The following LHFPL2 variants were observed in gnomAD, a reference collection of about 807,000 sequenced individuals.
LHFPL2 encodes the protein LHFPL tetraspan subfamily member 2.
Under a neutral mutation model 17.5 loss-of-function variants are expected in LHFPL2, and 7 were observed. The ratio of observed to expected loss-of-function variants is 0.40; its 90% CI spans 0.23 to 0.75. LHFPL2 has a LOEUF of 0.75. LHFPL2 is among the 30% of genes least tolerant of loss of function. The pLI is 0.37. For missense variants in LHFPL2, 241 were observed against 294.8 expected, an observed-to-expected ratio of 0.82 and a Z score of 1.34; for synonymous variants, 134 against 116.2, an observed-to-expected ratio of 1.15 and a Z score of -0.99.
intron 2 of LHFPL2, among the ~76,000 whole-genome samples, chr5:78,574,875 C>T (rs114744865): frequency 1.8e-3 from 277 of 152,358 alleles, no homozygotes; most frequent in African/African-American, 6.4e-3. Flanking sequence ...CCTGTTCTTG[C>T]TGAGCGTCAC....
At chr5:78,544,668 A>T (rs1756215176) in intron 3 of LHFPL2, among the ~76,000 whole-genome samples, 1 of 151,930 alleles carries the variant, frequency 6.6e-6, no homozygotes, top group African/African-American at 2.4e-5. Flanking sequence ...TTTTAAAGTG[A>T]CTCATCAGCA....
chr5:78,493,810 TAAAATC>T (rs1342958778), intron 4 of LHFPL2, among the ~76,000 whole-genome samples: 2 of 152,128 alleles, frequency 1.3e-5, no homozygotes, highest in Non-Finnish European at 2.9e-5. Flanking sequence ...ATAAAACAAT[TAAAATC>T]AATAACTTCT....
chr5:78,587,322 A>G (rs1249931932), intron 2 of LHFPL2, among the ~76,000 whole-genome samples: 1 of 152,238 alleles, frequency 6.6e-6, no homozygotes, highest in Non-Finnish European at 1.5e-5. Flanking sequence ...ACAAATGATG[A>G]CAATGGTAGA....
At chr5:78,618,141 C>A (rs1288018191) in intron 2 of LHFPL2, among the ~76,000 whole-genome samples, 3 of 151,812 alleles carry the variant, frequency 2.0e-5, no homozygotes, top group African/African-American at 7.3e-5. Flanking sequence ...GCAGAGGTTG[C>A]AGTGAGCCAA....
chr5:78,538,418 A>G (rs190908356), intron 3 of LHFPL2, among the ~76,000 whole-genome samples: 25 of 152,326 alleles, frequency 1.6e-4, no homozygotes, highest in Middle Eastern at 6.8e-3. Flanking sequence ...TCTAGGGGGA[A>G]AAATCTCAGT....
At chr5:78,517,102 C>T (rs1453300958) in intron 3 of LHFPL2, among the ~76,000 whole-genome samples, 1 of 152,322 alleles carries the variant, frequency 6.6e-6, no homozygotes, top group East Asian at 1.9e-4. Context: ...TCTCAAGGAC[C>T]CTACAAGGTA....
At chr5:78,527,633 T>C (rs1755659532) in intron 3 of LHFPL2, among the ~76,000 whole-genome samples, 1 of 152,106 alleles carries the variant, frequency 6.6e-6, no homozygotes, top group African/African-American at 2.4e-5. Context: ...CCAGTTTCAC[T>C]GCACTTCTAA....
intron 3 of LHFPL2, among the ~76,000 whole-genome samples, chr5:78,548,299 G>A (rs1223231638): frequency 1.3e-5 from 2 of 152,262 alleles, no homozygotes; most frequent in Non-Finnish European, 2.9e-5. Flanking sequence ...GGAGAAGGTA[G>A]TGGATGTTGT....
At chr5:78,626,947 G>C (rs1224676286) in intron 2 of LHFPL2, among the ~76,000 whole-genome samples, 2 of 152,022 alleles carry the variant, frequency 1.3e-5, no homozygotes, top group East Asian at 3.9e-4. Flanking sequence ...CGGGCATGGT[G>C]GTACGCGCCT....
At chr5:78,632,899 C>G (rs1580876712) in intron 1 of LHFPL2, among the ~76,000 whole-genome samples, 1 of 152,126 alleles carries the variant, frequency 6.6e-6, no homozygotes, top group East Asian at 1.9e-4. Context: ...GGTGGCCAAA[C>G]TAGAGGGCAA....
intron 2 of LHFPL2, among the ~76,000 whole-genome samples, chr5:78,618,634 G>A (rs1263945623): frequency 6.6e-6 from 1 of 152,212 alleles, no homozygotes; most frequent in African/African-American, 2.4e-5. Context: ...GGAACTGCAT[G>A]GCTTTCTGTG....
At chr5:78,639,811 C>G (rs1745604917) in intron 1 of LHFPL2, among the ~76,000 whole-genome samples, 1 of 152,174 alleles carries the variant, frequency 6.6e-6, no homozygotes, top group Admixed American at 6.5e-5. Context: ...AATGTGTTCT[C>G]TATGAGCAAG....
chr5:78,630,585 T>G (rs1413505606), intron 2 of LHFPL2, among the ~76,000 whole-genome samples: 2 of 151,890 alleles, frequency 1.3e-5, no homozygotes, highest in African/African-American at 4.8e-5. Flanking sequence ...TGCCTTGTCT[T>G]TCATTCAATT....
intron 1 of LHFPL2, among the ~76,000 whole-genome samples, chr5:78,633,060 C>T (rs1013223144): frequency 1.3e-5 from 2 of 152,148 alleles, no homozygotes; most frequent in Admixed American, 6.5e-5. Context: ...TTCGACTGGA[C>T]CTTAAGGCTA....
At chr5:78,558,764 G>A (rs1212378900) in intron 3 of LHFPL2, among the ~76,000 whole-genome samples, 1 of 152,122 alleles carries the variant, frequency 6.6e-6, no homozygotes. Flanking sequence ...TGGGCACTCC[G>A]GTCACATCAA....
At position 78,602,012 on chromosome 5, in the gene LHFPL2, G is replaced by A. The variant is rs138216110; in HGVS notation, c.-245+30252C>T. On this transcript the variant is annotated intron_variant, in intron 2 of 4. Transcript: ENST00000380345. The stretch of plus-strand genomic sequence containing the variant: ...AACTGTATTAATGTGGAAAAAATAC[G>A]CAGACACAACTTTAGACTTCCCCCT... Among the ~76,000 whole-genome samples, 502 of 152,186 alleles carry A rather than the reference G, an allele frequency of 3.3e-3. 3 individuals carry two copies. The highest frequency in any genetic ancestry group is 0.012 in the African/African-American group (484 of 41,522).
At chr5:78,493,818 A>G (rs1199271375) in intron 4 of LHFPL2, among the ~76,000 whole-genome samples, 1 of 152,238 alleles carries the variant, frequency 6.6e-6, no homozygotes, top group African/African-American at 2.4e-5. Context: ...ATTAAAATCA[A>G]TAACTTCTTC....
chr5:78,531,173 T>C (rs1420969954), intron 3 of LHFPL2, among the ~76,000 whole-genome samples: 1 of 151,900 alleles, frequency 6.6e-6, no homozygotes. Flanking sequence ...CCCAGCACTT[T>C]GGGAGGCTGA....
intron 2 of LHFPL2, among the ~76,000 whole-genome samples, chr5:78,614,116 C>G (rs1372319): frequency 6.6e-6 from 1 of 152,018 alleles, no homozygotes; most frequent in Non-Finnish European, 1.5e-5. Context: ...ATGAGAAACA[C>G]GAGTTAATGA....
Sources: allele counts gnomAD v4.1 joint callset (sites outside exome capture counted in the v4.1 genomes callset), GRCh38; gene constraint gnomAD v4.1.1; transcripts MANE v1.5; gene names NCBI Gene and HGNC (gene_info 2026-07-23, HGNC 2026-07-21).